The following STAT4 variants were observed in gnomAD, a reference collection of about 807,000 sequenced individuals.
STAT4 encodes signal transducer and activator of transcription 4.
STAT4 carries 42 observed loss-of-function variants against 110.5 expected under a neutral mutation model. The ratio of observed to expected loss-of-function variants is 0.38; its 90% CI spans 0.30 to 0.49. The LOEUF is 0.49. STAT4 is among the 20% of genes least tolerant of loss of function. The pLI is 0.95. For synonymous variants in STAT4, 284 were observed against 302.2 expected (o/e 0.94, Z 0.63); for missense variants, 632 against 887.9 (o/e 0.71, Z 3.66).
At chr2:191,114,285 T>A (rs1244751569) in intron 3 of STAT4, among the ~76,000 whole-genome samples, 4 of 152,230 alleles carry the variant, frequency 2.6e-5, no homozygotes. Flanking sequence ...ATCAATAGAA[T>A]GTCCCTAAAA....
chr2:191,113,852 TA>T lies in STAT4; in HGVS notation c.273+32760del, dbSNP rs1350475836. Among the ~76,000 whole-genome samples, 1 of 152,080 alleles carries T rather than the reference TA, an allele frequency of 6.6e-6. No individual in the cohort carries two copies. The highest frequency in any genetic ancestry group is 2.4e-5 in the African/African-American group (1 of 41,422). On this transcript the variant is annotated intron_variant, in intron 3 of 23. Transcript: ENST00000392320. This position sits in a 1 kb window ranked among gnomAD's most constrained non-coding sequence, Gnocchi z 4.8. Reference sequence around the variant, plus strand: ...GAACATTACAGAAATGTTACAGAAATAGAGAAAGTGATTTATATAAAGAACA... The same window carrying T: ...GAACATTACAGAAATGTTACAGAAATGAGAAAGTGATTTATATAAAGAACA...
rs189620691 is a variant in STAT4 at position 191,083,328 on chromosome 2, T to A, written c.274-7003A>T. ...GTATGGAATATGTGACAGAGTTATC[T>A]ACTCAAGGACTTTGGGAACTGGAGT... On this transcript the variant is annotated intron_variant, in intron 3 of 23. Coordinates refer to ENST00000392320, the MANE Select transcript of STAT4 (RefSeq NM_003151.4). The surrounding 1 kb of genome is among the most constrained non-coding windows in gnomAD (Gnocchi z 4.6). Among the ~76,000 whole-genome samples the A allele has an allele frequency of 2.0e-5, 3 of 152,342 alleles. No homozygotes were observed. The East Asian group carries it at 5.8e-4, about 29-fold the overall frequency.
Position 191,033,419 on chromosome 2 carries a change from A to G in STAT4, c.1852+71T>C. The G allele has an allele frequency of 6.6e-7, 1 of 1,522,288 alleles. No homozygotes were observed. Among genetic ancestry groups the G allele is most frequent in the Non-Finnish European group, 8.9e-7 (1 of 1,129,550 alleles). 94.3% of individuals were successfully genotyped at this position (1,522,288 alleles called of 1,614,324 possible). On this transcript the variant is annotated intron_variant, in intron 20 of 23. Transcript: ENST00000392320. This position sits in a 1 kb window ranked among gnomAD's most constrained non-coding sequence, Gnocchi z 6.9. ...ACAGATCAACACACCATACACTTCC[A>G]AAAACTGAAATCCCAGTAACCAAAT...
Position 191,046,813 on chromosome 2 carries a change from C to A in STAT4, c.1252-5665G>T, listed in dbSNP as rs1186861873. Among the ~76,000 whole-genome samples the A allele has an allele frequency of 6.6e-6, 1 of 152,086 alleles. No individual in the cohort carries two copies. Among genetic ancestry groups the A allele is most frequent in the Non-Finnish European group, 1.5e-5 (1 of 68,026 alleles). On this transcript the variant is annotated intron_variant, in intron 14 of 23. Coordinates refer to ENST00000392320, the MANE Select transcript of STAT4 (RefSeq NM_003151.4). The surrounding 1 kb of genome is among the most constrained non-coding windows in gnomAD (Gnocchi z 4.6). ...TGATCCTGGTTCCTGACACGGGTTC[C>A]TAAGACCTTTGTAATTTCCTTAGTG...
rs1695943861 is a variant in STAT4, at chr2:191,033,076, C to T, written c.1926G>A (p.Leu642=). 1 of 1,614,062 alleles carries T rather than the reference C, an allele frequency of 6.2e-7. No individual in the cohort carries two copies. The highest frequency in any genetic ancestry group is 8.5e-7 in the Non-Finnish European group (1 of 1,180,042). ...CAGCCATAATAACTTTGTAGTCTCG[C>T]AGGATGTCAGCGAATGGCAGAGCAG... ...RLSALPFADI[L]RDYKVIMAEN... Residue 642 remains leucine, a synonymous_variant, in exon 21 of 24, where the codon CTG becomes CTA. Coordinates refer to ENST00000392320, the MANE Select transcript of STAT4 (RefSeq NM_003151.4). This position sits in a 1 kb window ranked among gnomAD's most constrained non-coding sequence, Gnocchi z 6.9.
intron 15 of STAT4, among the ~76,000 whole-genome samples, 153 bp downstream of exon 15, chr2:191,040,912 A>G (rs376535659): frequency 9.2e-5 from 14 of 152,370 alleles, no homozygotes; most frequent in African/African-American, 3.4e-4. Flanking sequence ...TATGTTAACT[A>G]GTGAATATTT....
chr2:191,125,057 G>A (rs1698839494), intron 3 of STAT4, among the ~76,000 whole-genome samples: 1 of 152,210 alleles, frequency 6.6e-6, no homozygotes, highest in African/African-American at 2.4e-5. Context: ...AAAAGATTTG[G>A]TGAGTTGATG....
In STAT4 at chr2:191,065,051, C is replaced by T. The variant is rs56267606; in HGVS notation, c.631-93G>A. The T allele has an allele frequency of 3.7e-4, 493 of 1,343,080 alleles. 2 individuals are homozygous for T. In the East Asian group the frequency reaches 0.011, roughly 29 times the overall value. The allele number at this position is 1,343,080 out of a possible 1,614,324, so 83.2% of individuals were successfully genotyped here. On this transcript the variant is annotated intron_variant, in intron 7 of 23. Transcript: ENST00000392320. ...AACTATTTGACCTGGTAGACAAAGG[C>T]TTGGTTAAAATTTTGACCAAATATT... is the stretch of plus-strand genomic sequence containing the variant.
chr2:191,075,852 T>G (rs2464997), intron 4 of STAT4, among the ~76,000 whole-genome samples: 5,148 of 149,330 alleles, frequency 0.034, 84 homozygotes, highest in African/African-American at 0.052. Flanking sequence ...TTTTTTTTTT[T>G]TTTTGTTTTG....
rs1263704676 is a variant in STAT4 at position 191,082,221 on chromosome 2, T to C, written c.274-5896A>G. 6.6e-6 allele frequency among the ~76,000 whole-genome samples: 1 copy of C among 152,228 alleles called. No individual in the cohort carries two copies. Among genetic ancestry groups the C allele is most frequent in the Non-Finnish European group, 1.5e-5 (1 of 68,042 alleles). ...CCTATAAAGGATTTTATTGTTGCTT[T>C]CCAAGAAAACTTGGAATTTAGGGTC... On this transcript the variant is annotated intron_variant, in intron 3 of 23. Coordinates refer to ENST00000392320, the MANE Select transcript of STAT4 (RefSeq NM_003151.4). This position sits in a 1 kb window ranked among gnomAD's most constrained non-coding sequence, Gnocchi z 4.7.
At chr2:191,115,236 A>G (rs1698542067) in intron 3 of STAT4, among the ~76,000 whole-genome samples, 1 of 152,226 alleles carries the variant, frequency 6.6e-6, no homozygotes. Context: ...TGTCAAGGTG[A>G]TTCCTGGTCC....
chr2:191,101,605 T>C (rs898741603), intron 3 of STAT4, among the ~76,000 whole-genome samples: 3 of 152,184 alleles, frequency 2.0e-5, no homozygotes, highest in African/African-American at 7.2e-5. Context: ...CATTAAATTA[T>C]AGCATTAACA....
Position 191,146,744 on chromosome 2 carries a change from T to C in STAT4, c.142A>G (p.Asn48Asp). Residue 48 changes from asparagine (N) to aspartate (D), a missense_variant, in exon 3 of 24, where the codon AAC becomes GAC. Coordinates refer to ENST00000392320, the MANE Select transcript of STAT4 (RefSeq NM_003151.4). This position sits in a 1 kb window ranked among gnomAD's most constrained non-coding sequence, Gnocchi z 4.5. The stretch of plus-strand genomic sequence containing the variant: ...AGAATCGTTGCCATGGTTTCATTGT[T>C]AGAAGCTGCCTCCCTAAAAAAAAAA... ...IENQDWEAASNNETMATILLQ... is the reference protein window; with the variant it reads ...IENQDWEAASDNETMATILLQ... 1 of 1,554,840 alleles carries C rather than the reference T, an allele frequency of 6.4e-7. No individual in the cohort carries two copies. The highest frequency in any genetic ancestry group is 8.7e-7 in the Non-Finnish European group (1 of 1,155,218).
chr2:191,114,339 G>C (rs759426672), intron 3 of STAT4, among the ~76,000 whole-genome samples: 2 of 152,140 alleles, frequency 1.3e-5, no homozygotes, highest in African/African-American at 4.8e-5. Flanking sequence ...TATTATTAAG[G>C]TTCCTTGCAT....
At chr2:191,101,372 TTTTTCATTTAATTGG>T (rs1237198779) in intron 3 of STAT4, among the ~76,000 whole-genome samples, 2 of 152,204 alleles carry the variant, frequency 1.3e-5, no homozygotes, top group Non-Finnish European at 2.9e-5. Context: ...ATATATCTGC[TTTTTCATTTAATTGG>T]TACTTAATAC....
chr2:191,031,404 G>A lies in STAT4; in HGVS notation c.2111+46C>T, dbSNP rs754490824. ...TGCTCTACCTTTAAATCTCCTATAG[G>A]AAAGCTTTTTATAAAAATATTTCAC... is the stretch of plus-strand genomic sequence containing the variant. On this transcript the variant is annotated intron_variant, in intron 22 of 23. Transcript: ENST00000392320. This position sits in a 1 kb window ranked among gnomAD's most constrained non-coding sequence, Gnocchi z 4.8. 1 of 1,582,282 alleles carries A rather than the reference G, an allele frequency of 6.3e-7. No homozygotes were observed. The highest frequency in any genetic ancestry group is 8.6e-7 in the Non-Finnish European group (1 of 1,158,148).
chr2:191,132,957 T>C (rs1266961941), intron 3 of STAT4, among the ~76,000 whole-genome samples: 1 of 151,326 alleles, frequency 6.6e-6, no homozygotes, highest in Non-Finnish European at 1.5e-5. Flanking sequence ...GGTTTCACCG[T>C]GTTAGCCAGG....
chr2:191,076,355 C>T (rs1033172795), intron 3 of STAT4, 30 bp from the exon 4 acceptor site: 30 of 1,524,074 alleles, frequency 2.0e-5, no homozygotes, highest in Non-Finnish European at 2.7e-5. Flanking sequence ...GCAAAAATAA[C>T]TAACGTAAAG....
In STAT4 at chr2:191,142,319, G is replaced by C. The variant is rs73052588; in HGVS notation, c.273+4294C>G. Among the ~76,000 whole-genome samples, 8 of 152,070 alleles carry C rather than the reference G, an allele frequency of 5.3e-5. No individual in the cohort carries two copies. The highest frequency in any genetic ancestry group is 5.2e-4 in the Admixed American group (8 of 15,276). On this transcript the variant is annotated intron_variant, in intron 3 of 23. Coordinates refer to ENST00000392320, the MANE Select transcript of STAT4 (RefSeq NM_003151.4). The surrounding 1 kb of genome is among the most constrained non-coding windows in gnomAD (Gnocchi z 4.1). ...CATGTCATTTGCAGCAACACGGATC[G>C]TACAAGATGTCATTATGTTAAATAA...
Sources: allele counts gnomAD v4.1 joint callset (sites outside exome capture counted in the v4.1 genomes callset), GRCh38; gene constraint gnomAD v4.1.1; non-coding constraint Gnocchi (gnomAD v3.1); transcripts MANE v1.5; gene names NCBI Gene and HGNC (gene_info 2026-07-23, HGNC 2026-07-21).